Variants in RYR3 observed in about 807,000 individuals in gnomAD.
The protein encoded by RYR3 is brain ryanodine receptor-calcium release channel.
A neutral mutation model predicts 584.3 loss-of-function variants in RYR3; 207 were observed. That is an observed-to-expected ratio of 0.35 (90% CI 0.32 to 0.40). The LOEUF is 0.40. RYR3 is among the 10% of genes least tolerant of loss of function. The probability of loss-of-function intolerance (pLI) is 1.00; values close to 1 mark genes in which losing one functional copy is unlikely to be tolerated. For synonymous variants in RYR3, 2,416 were observed against 2,248.5 expected (o/e 1.07, Z -2.11); for missense variants, 5,616 against 6,089.2 (o/e 0.92, Z 2.59).
At chr15:33,627,935 G>A (rs911100321) in intron 20 of RYR3, among the ~76,000 whole-genome samples, 1 of 152,164 alleles carries the variant, frequency 6.6e-6, no homozygotes. Flanking sequence ...AGTGCCAGGG[G>A]AAGGATAATA....
At chr15:33,631,036 C>T (rs28696769) in intron 22 of RYR3, among the ~76,000 whole-genome samples, 174 bp from the exon 23 acceptor site, 1 of 152,012 alleles carries the variant, frequency 6.6e-6, no homozygotes, top group African/African-American at 2.4e-5. Context: ...GTGACAGAGA[C>T]ATATGGCTCA....
chr15:33,812,796 C>T lies in RYR3; in HGVS notation c.10258-67C>T, dbSNP rs777228739. 1.6e-5 allele frequency: 25 copies of T among 1,543,402 alleles called. No homozygotes were observed. In the East Asian group the frequency reaches 5.6e-4, roughly 35 times the overall value. On this transcript the variant is annotated intron_variant, in intron 72 of 103. Coordinates refer to ENST00000634891, the MANE Select transcript of RYR3 (RefSeq NM_001036.6). ...GACTCCTACAGAACCATGGTAGGAC[C>T]AAAAGGCTTCTTCAGTATAAGAAGT...
chr15:33,655,245 C>T (rs912490368), intron 32 of RYR3, among the ~76,000 whole-genome samples: 5 of 152,174 alleles, frequency 3.3e-5, no homozygotes, highest in Non-Finnish European at 4.4e-5. Context: ...GATTCTATCT[C>T]CTCCACCCCC....
At chr15:33,596,129 G>C (rs1595758751) in intron 16 of RYR3, among the ~76,000 whole-genome samples, 1 of 146,504 alleles carries the variant, frequency 6.8e-6, no homozygotes, top group South Asian at 2.1e-4. Context: ...TTTTATTCCT[G>C]GTTCCTTTTA....
At chr15:33,499,095 C>T (rs948086496) in intron 2 of RYR3, among the ~76,000 whole-genome samples, 1 of 152,066 alleles carries the variant, frequency 6.6e-6, no homozygotes, top group African/African-American at 2.4e-5. Context: ...CCAAACTCCT[C>T]CTTGGCAAGA....
chr15:33,863,085 G>A (rs1889038020), intron 102 of RYR3, among the ~76,000 whole-genome samples: 1 of 152,126 alleles, frequency 6.6e-6, no homozygotes, highest in African/African-American at 2.4e-5. Context: ...CCTTTGGGTT[G>A]GAACCCCTTC....
At chr15:33,804,815 T>G (rs900166351) in intron 69 of RYR3, among the ~76,000 whole-genome samples, 2 of 152,192 alleles carry the variant, frequency 1.3e-5, no homozygotes, top group Non-Finnish European at 1.5e-5. Flanking sequence ...TTATCTCCAC[T>G]CTTAACTGAA....
chr15:33,561,824 T>C (rs1209492717), intron 10 of RYR3, among the ~76,000 whole-genome samples: 9 of 150,828 alleles, frequency 6.0e-5, no homozygotes, highest in African/African-American at 2.2e-4. Flanking sequence ...CACTTGAGCC[T>C]GGGGGCAGAG....
intron 1 of RYR3, among the ~76,000 whole-genome samples, chr15:33,394,612 C>T (rs1420906251): frequency 1.3e-5 from 2 of 152,194 alleles, no homozygotes; most frequent in Non-Finnish European, 2.9e-5. Context: ...GTGAAAAGAA[C>T]TGTAATTTCA....
At chr15:33,558,011 CAAT>C (rs2057180522) in intron 10 of RYR3, among the ~76,000 whole-genome samples, 1 of 152,094 alleles carries the variant, frequency 6.6e-6, no homozygotes, top group Admixed American at 6.5e-5. Flanking sequence ...AACAATAAAA[CAAT>C]AAATGATTTG....
intron 60 of RYR3, among the ~76,000 whole-genome samples, chr15:33,761,145 G>A (rs1375574715): frequency 1.3e-5 from 2 of 152,174 alleles, no homozygotes; most frequent in Non-Finnish European, 2.9e-5. Context: ...ACAGGAGAAA[G>A]CAGGAAAGAT....
intron 74 of RYR3, 65 bp from the exon 75 acceptor site, chr15:33,816,797 T>G: frequency 9.4e-7 from 1 of 1,068,030 alleles, no homozygotes; most frequent in Non-Finnish European, 1.4e-6. Flanking sequence ...AACCATTAAC[T>G]GCCCAAACTA....
At chr15:33,808,547 C>T (rs1358407158) in intron 70 of RYR3, among the ~76,000 whole-genome samples, 1 of 152,176 alleles carries the variant, frequency 6.6e-6, no homozygotes, top group Admixed American at 6.5e-5. Context: ...TACATGTATA[C>T]ATACGTGATA....
At chr15:33,365,197 C>T (rs1157088586) in intron 1 of RYR3, among the ~76,000 whole-genome samples, 1 of 152,202 alleles carries the variant, frequency 6.6e-6, no homozygotes, top group Non-Finnish European at 1.5e-5. Flanking sequence ...GGATAACCCT[C>T]CTCCTTGGGG....
Position 33,642,731 on chromosome 15 carries a change from A to G in RYR3, c.3557-1580A>G, listed in dbSNP as rs1051376076. ...CCATCGCAGCCCCTATCACAAAAAT[A>G]CAGAAGCATAGTAGTGCTCAGGATG... On this transcript the variant is annotated intron_variant, in intron 27 of 103. Transcript: ENST00000634891. Among the ~76,000 whole-genome samples, 17 of 152,348 alleles carry G rather than the reference A, an allele frequency of 1.1e-4. No homozygotes were observed. The Middle Eastern group carries it at 0.01, about 91-fold the overall frequency.
rs751921483 is a variant in RYR3 at position 33,854,867 on chromosome 15, G to T, written c.13962G>T (p.Lys4654Asn). ...TATTGGACATCGCAATGGGCTTCAA[G>T]ACACTGAGGACCATTCTGTCATCTG... The part of the protein sequence containing the change: ...AHLLDIAMGF[K>N]TLRTILSSVT... Residue 4654 changes from lysine to asparagine, a missense_variant, in exon 98 of 104, where the codon AAG (lysine) becomes AAT (asparagine). Lys to Asn is a moderately conservative substitution (Grantham distance 94). Transcript: ENST00000634891. The T allele has an allele frequency of 1.2e-6, 2 of 1,613,232 alleles. No homozygotes were observed. The highest frequency in any genetic ancestry group is 1.7e-6 in the Non-Finnish European group (2 of 1,179,742).
intron 38 of RYR3, among the ~76,000 whole-genome samples, chr15:33,690,750 T>C (rs1295004066): frequency 1.3e-5 from 2 of 152,184 alleles, no homozygotes; most frequent in East Asian, 3.8e-4. Context: ...CCCTTTACAC[T>C]ATTGAAAATT....
At position 33,623,974 on chromosome 15, in the gene RYR3, A is replaced by G. The variant is rs769407509; in HGVS notation, c.2525A>G (p.Gln842Arg). 1 of 1,613,894 alleles carries G rather than the reference A, an allele frequency of 6.2e-7. No individual in the cohort carries two copies. The highest frequency in any genetic ancestry group is 8.5e-7 in the Non-Finnish European group (1 of 1,179,874). The part of the protein sequence containing the change: ...DGIRDLLGTT[Q>R]FLSQASFIPC... ...ATTAGAGATCTCTTGGGTACCACCC[A>G]GTTCCTCTCCCAAGCCTCTTTCATC... The change falls in exon 20 of 104, where the codon CAG becomes CGG. Residue 842 changes from glutamine (Q) to arginine (R), a missense_variant. Transcript: ENST00000634891.
chr15:33,864,215 G>C, intron 103 of RYR3, 26 bp downstream of exon 103: 1 of 1,571,526 alleles, frequency 6.4e-7, no homozygotes, highest in Admixed American at 1.7e-5. Flanking sequence ...TCATATACCC[G>C]TGTTAGATCT....
Sources: allele counts gnomAD v4.1 joint callset (sites outside exome capture counted in the v4.1 genomes callset), GRCh38; gene constraint gnomAD v4.1.1; transcripts MANE v1.5; gene names NCBI Gene and HGNC (gene_info 2026-07-23, HGNC 2026-07-21).